Variants in PGRMC2 observed in about 807,000 individuals in gnomAD.
PGRMC2 encodes membrane-associated progesterone receptor component 2.
Under a neutral mutation model 19.3 loss-of-function variants are expected in PGRMC2, and 9 were observed. That is an observed-to-expected ratio of 0.47 (90% CI 0.28 to 0.81). PGRMC2 has a LOEUF of 0.81. Among genes scored for constraint, PGRMC2 ranks in the 40% least tolerant of loss-of-function variants. PGRMC2 has a pLI of 0.11. For missense variants in PGRMC2, 289 were observed against 297.3 expected (o/e 0.97, Z 0.21); for synonymous variants, 157 against 124.6 (o/e 1.26, Z -1.73).
Position 128,272,405 on chromosome 4 carries a change from T to C in PGRMC2, c.531A>G (p.Ala177=). The change falls in exon 2 of 3, where the codon GCA becomes GCG. Residue 177 remains alanine (A), a synonymous_variant. Transcript: ENST00000296425. ...DEYDDLSDLN[A]VQMESVREWE... is the part of the protein sequence containing the mutation. Reference sequence around the variant, plus strand: ...ATTCTCGAACACTCTCCATTTGTACTGCATTCAAATCTGAGAGATCATCAT... The same window carrying C: ...ATTCTCGAACACTCTCCATTTGTACCGCATTCAAATCTGAGAGATCATCAT... 6.3e-7 allele frequency: 1 copy of C among 1,576,404 alleles called. No homozygotes were observed. The highest frequency in any genetic ancestry group is 8.6e-7 in the Non-Finnish European group (1 of 1,164,520).
At chr4:128,272,584 TAA>T (rs5861848) in intron 1 of PGRMC2, 67 bp from the exon 2 acceptor site, 24,353 of 326,982 alleles carry the variant, frequency 0.074, no homozygotes, top group East Asian at 0.13. Flanking sequence ...AAGGAAAAAG[TAA>T]AAAAAAAAAA....
chr4:128,275,037 A>G (rs149307345), intron 1 of PGRMC2, among the ~76,000 whole-genome samples: 1 of 152,344 alleles, frequency 6.6e-6, no homozygotes, highest in Non-Finnish European at 1.5e-5. Flanking sequence ...GAAAACACAT[A>G]GAAGACTCAC....
intron 1 of PGRMC2, among the ~76,000 whole-genome samples, chr4:128,279,913 T>C (rs533532302): frequency 6.6e-6 from 1 of 152,296 alleles, no homozygotes; most frequent in Non-Finnish European, 1.5e-5. Context: ...AGTAGACTTA[T>C]TTTTCACTGT....
Position 128,287,452 on chromosome 4 carries a change from G to A in PGRMC2, c.339C>T (p.Gly113=), listed in dbSNP as rs774415057. Residue 113 remains glycine, a synonymous_variant, in exon 1 of 3, where the codon GGC becomes GGT. Transcript: ENST00000296425. ...FSLEQLRQYD[G]SRNPRILLAV... is the part of the protein sequence containing the mutation. ...CGAGCAGGATGCGCGGGTTGCGGGAGCCGTCGTACTGGCGCAGCTGCTCCA... is the reference window on the plus strand; with the variant it reads ...CGAGCAGGATGCGCGGGTTGCGGGAACCGTCGTACTGGCGCAGCTGCTCCA... 6 of 1,613,562 alleles carry A rather than the reference G, an allele frequency of 3.7e-6. No individual in the cohort carries two copies. The South Asian group carries it at 5.5e-5, about 15-fold the overall frequency.
Position 128,287,768 on chromosome 4 carries a change from A to C in PGRMC2, c.23T>G (p.Val8Gly), listed in dbSNP as rs1353098455. ...GCCACTCCCCAGGGTGCCTAGCTTC[A>C]CGTCCCCATCACCAGCCGCCATCAC... MAAGDGD[V>G]KLGTLGSGSE... is the part of the protein sequence containing the mutation. The change falls in exon 1 of 3, where the codon GTG becomes GGG. Residue 8 changes from valine (V) to glycine (G), a missense_variant. Coordinates refer to ENST00000296425, the MANE Select transcript of PGRMC2 (RefSeq NM_006320.6). 1 of 1,475,468 alleles carries C rather than the reference A, an allele frequency of 6.8e-7. No homozygotes were observed. Among genetic ancestry groups the C allele is most frequent in the Non-Finnish European group, 9.3e-7 (1 of 1,077,434 alleles). The allele number at this position is 1,475,468 out of a possible 1,614,324, so 91.4% of individuals were successfully genotyped here.
chr4:128,272,495 A>T lies in PGRMC2; in HGVS notation c.441T>A (p.Ala147=). The T allele has an allele frequency of 6.6e-7, 1 of 1,524,460 alleles. No individual in the cohort carries two copies. Among genetic ancestry groups the T allele is most frequent in the Non-Finnish European group, 8.8e-7 (1 of 1,137,780 alleles). 94.4% of individuals were successfully genotyped at this position (1,524,460 alleles called of 1,614,324 possible). The change falls in exon 2 of 3, where the codon GCT becomes GCA. Residue 147 remains alanine (A), a synonymous_variant. Coordinates refer to ENST00000296425, the MANE Select transcript of PGRMC2 (RefSeq NM_006320.6). ...CCAGTCCTCTGGAGGCATCCCTACC[A>T]GCAAATATTCCATATGGACCCGCTG... ...YGPAGPYGIF[A]GRDASRGLAT... is the part of the protein sequence containing the mutation.
chr4:128,278,404 T>A (rs1034760379), intron 1 of PGRMC2, among the ~76,000 whole-genome samples: 1 of 151,868 alleles, frequency 6.6e-6, no homozygotes, highest in African/African-American at 2.4e-5. Flanking sequence ...CCCTGTCTCT[T>A]ATACTAAAAA....
Position 128,287,724 on chromosome 4 carries a change from C to T in PGRMC2, c.67G>A (p.Gly23Ser). 2 of 1,494,192 alleles carry T rather than the reference C, an allele frequency of 1.3e-6. No homozygotes were observed. Among genetic ancestry groups the T allele is most frequent in the Non-Finnish European group, 1.8e-6 (2 of 1,103,894 alleles). The allele number at this position is 1,494,192 out of a possible 1,614,324, so 92.6% of individuals were successfully genotyped here. ...LGSGSESSND[G>S]GSESPGDAGA... ...GCGTCGCCTGGACTCTCGCTGCCGCCGTCGTTGCTGCTCTCGCTGCCACTC... is the reference window on the plus strand; with the variant it reads ...GCGTCGCCTGGACTCTCGCTGCCGCTGTCGTTGCTGCTCTCGCTGCCACTC... The change falls in exon 1 of 3, where the codon GGC becomes AGC. Residue 23 changes from glycine (G) to serine (S), a missense_variant. Transcript: ENST00000296425.
rs148227812 is a variant in PGRMC2 at position 128,278,635 on chromosome 4, A to C, written c.419-6118T>G. 3.6e-3 allele frequency among the ~76,000 whole-genome samples: 547 copies of C among 152,274 alleles called. 5 individuals are homozygous for C. Among genetic ancestry groups the C allele is most frequent in the African/African-American group, 0.013 (529 of 41,560 alleles). On this transcript the variant is annotated intron_variant, in intron 1 of 2. Transcript: ENST00000296425. The stretch of plus-strand genomic sequence containing the variant: ...CTCTAATTTCACATCTTAAAGCAAA[A>C]TCAATTTCAAATGGAACTAAAAAAC...
At chr4:128,285,134 A>G (rs894481358) in intron 1 of PGRMC2, among the ~76,000 whole-genome samples, 2 of 150,100 alleles carry the variant, frequency 1.3e-5, no homozygotes, top group Non-Finnish European at 2.9e-5. Context: ...CTTAATTTTT[A>G]ATTTTTTTTT....
At chr4:128,277,354 A>T (rs1385643930) in intron 1 of PGRMC2, among the ~76,000 whole-genome samples, 2 of 152,242 alleles carry the variant, frequency 1.3e-5, no homozygotes, top group African/African-American at 4.8e-5. Flanking sequence ...ATGAGGTGAC[A>T]TATTCTTGAA....
At chr4:128,286,742 A>G in intron 1 of PGRMC2, 1 of 398,610 alleles carries the variant, frequency 2.5e-6, no homozygotes, top group Non-Finnish European at 4.4e-6. Flanking sequence ...AGCAACTCCG[A>G]ACTAAAACTG....
In PGRMC2 at chr4:128,287,545, G is replaced by GCCCATCTGGGGGCCTCTCA. The variant is rs1761005391; in HGVS notation, c.245_246insTGAGAGGCCCCCAGATGGG (p.Gly83GlufsTer73). The GCCCATCTGGGGGCCTCTCA allele has an allele frequency of 2.2e-6, 1 of 458,546 alleles. No homozygotes were observed. Among genetic ancestry groups the GCCCATCTGGGGGCCTCTCA allele is most frequent in the Non-Finnish European group, 3.2e-6 (1 of 308,210 alleles). The allele number at this position is 458,546 out of a possible 1,614,324, so 28.4% of individuals were successfully genotyped here. A position where few individuals can be genotyped will look rare whatever the true frequency, so the allele number is the denominator to read the frequency against. On this transcript the variant is annotated frameshift_variant, in exon 1 of 3. Transcript: ENST00000296425. LOFTEE classifies it high-confidence loss of function. ...GGCTCTCCTCGCCCGCCCCGGCCCC[G>GCCCATCTGGGGGCCTCTCA]GCCCCCAGACCCCGCCGCCCCCAGC... is the stretch of plus-strand genomic sequence containing the variant.
Position 128,270,234 on chromosome 4 carries a change from T to A in PGRMC2, c.*1082A>T, listed in dbSNP as rs1760705380. On this transcript the variant is annotated 3_prime_UTR_variant, in exon 3 of 3. Transcript: ENST00000296425. The stretch of plus-strand genomic sequence containing the variant: ...CCAAGGCCTCACACATTCAGACACA[T>A]CCATACTGACACCCACTCCACAGCC... 1 of 152,634 alleles carries A rather than the reference T, an allele frequency of 6.6e-6. No individual in the cohort carries two copies. The highest frequency in any genetic ancestry group is 1.5e-5 in the Non-Finnish European group (1 of 68,030). The allele number at this position is 152,634 out of a possible 1,614,324, so 9.5% of individuals were successfully genotyped here. A position where few individuals can be genotyped will look rare whatever the true frequency, so the allele number is the denominator to read the frequency against.
chr4:128,285,880 T>C (rs917256271), intron 1 of PGRMC2, among the ~76,000 whole-genome samples: 1 of 152,180 alleles, frequency 6.6e-6, no homozygotes, highest in Non-Finnish European at 1.5e-5. Flanking sequence ...TTCACATTTA[T>C]GTAACCAGAA....
intron 1 of PGRMC2, 51 bp downstream of exon 1, chr4:128,287,322 G>T: frequency 1.3e-6 from 2 of 1,551,910 alleles, no homozygotes; most frequent in Non-Finnish European, 1.8e-6. Flanking sequence ...GTCCGAAGGG[G>T]GTTGTGCTTC....
chr4:128,272,535 A>C lies in PGRMC2; in HGVS notation c.419-18T>G. On this transcript the variant is annotated intron_variant, in intron 1 of 2. Coordinates refer to ENST00000296425, the MANE Select transcript of PGRMC2 (RefSeq NM_006320.6). Reference sequence around the variant, plus strand: ...TGGACCCGCTGGAAAAAAGAAAATAAATTATTTAGATCACCTAACAATATT... The same window carrying C: ...TGGACCCGCTGGAAAAAAGAAAATACATTATTTAGATCACCTAACAATATT... 7.0e-7 allele frequency: 1 copy of C among 1,429,794 alleles called. No homozygotes were observed. The highest frequency in any genetic ancestry group is 9.3e-7 in the Non-Finnish European group (1 of 1,080,032). 88.6% of individuals were successfully genotyped at this position (1,429,794 alleles called of 1,614,324 possible).
chr4:128,280,518 A>G (rs1186722795), intron 1 of PGRMC2, among the ~76,000 whole-genome samples: 3 of 152,146 alleles, frequency 2.0e-5, no homozygotes, highest in Admixed American at 6.5e-5. Flanking sequence ...AAAGATTAAT[A>G]AAAGTAAAGA....
intron 1 of PGRMC2, among the ~76,000 whole-genome samples, chr4:128,280,951 AAAT>A (rs1202787461): frequency 6.6e-6 from 1 of 152,184 alleles, no homozygotes. Flanking sequence ...GAGTGAGGAA[AAAT>A]AAAAAATTTT....
Sources: allele counts gnomAD v4.1 joint callset (sites outside exome capture counted in the v4.1 genomes callset), GRCh38; gene constraint gnomAD v4.1.1; transcripts MANE v1.5; gene names NCBI Gene and HGNC (gene_info 2026-07-23, HGNC 2026-07-21).